Variants in UNC80 observed in about 807,000 individuals in gnomAD.
The protein encoded by UNC80 is unc-80 subunit of NALCN channel complex, also known as protein unc-80 homolog.
UNC80 carries 164 observed loss-of-function variants against 384.6 expected under a neutral mutation model. That is an observed-to-expected ratio of 0.43 (90% CI 0.38 to 0.49). UNC80 has a LOEUF of 0.49. UNC80 is among the 20% of genes least tolerant of loss of function. The pLI, the probability that UNC80 is intolerant of heterozygous loss-of-function variation, is 0.00. For missense variants in UNC80, 3,330 were observed against 4,143.0 expected (o/e 0.80, Z 5.39); for synonymous variants, 1,486 against 1,527.8 (o/e 0.97, Z 0.64).
intron 7 of UNC80, among the ~76,000 whole-genome samples, chr2:209,802,531 T>C (rs2078629450): frequency 1.3e-5 from 2 of 152,222 alleles, no homozygotes; most frequent in Non-Finnish European, 2.9e-5. Context: ...ACTTAGCTAA[T>C]GTACTAACAA....
chr2:209,847,006 C>A (rs1178311479), intron 21 of UNC80, among the ~76,000 whole-genome samples: 1 of 151,978 alleles, frequency 6.6e-6, no homozygotes, highest in Non-Finnish European at 1.5e-5. Flanking sequence ...AAAAGTCTGA[C>A]CTTCTTCCAT....
At chr2:209,842,541 T>G in intron 21 of UNC80, 95 bp downstream of exon 21, 4 of 911,830 alleles carry the variant, frequency 4.4e-6, no homozygotes, top group East Asian at 5.3e-5. Flanking sequence ...TTTTCATTGG[T>G]TTTTCATTCA....
intron 11 of UNC80, 53 bp from the exon 12 acceptor site, chr2:209,818,940 T>C (rs1302404703): frequency 9.9e-6 from 15 of 1,518,344 alleles, no homozygotes; most frequent in Non-Finnish European, 1.3e-5. Flanking sequence ...ACTGTCTAAC[T>C]GGTATTGTAG....
At chr2:209,912,494 A>G (rs2089062917) in intron 29 of UNC80, 66 bp from the exon 30 acceptor site, 7 of 975,930 alleles carry the variant, frequency 7.2e-6, no homozygotes, top group African/African-American at 1.7e-5. Context: ...AATTGCGGGG[A>G]CATATAGCAC....
At chr2:209,932,623 T>C (rs1279316602) in intron 38 of UNC80, among the ~76,000 whole-genome samples, 1 of 152,180 alleles carries the variant, frequency 6.6e-6, no homozygotes, top group African/African-American at 2.4e-5. Flanking sequence ...GCCCAGATAG[T>C]TTTAAAAGAA....
intron 6 of UNC80, 40 bp from the exon 7 acceptor site, chr2:209,793,680 C>CA: frequency 6.2e-7 from 1 of 1,604,224 alleles, no homozygotes; most frequent in African/African-American, 1.3e-5. Flanking sequence ...AAACAAAAAA[C>CA]AAAAAACAAA....
intron 7 of UNC80, among the ~76,000 whole-genome samples, chr2:209,798,965 C>T (rs548409549): frequency 1.5e-4 from 23 of 150,320 alleles, no homozygotes; most frequent in Admixed American, 9.9e-4. Flanking sequence ...ATTACAGGCG[C>T]GATCCACCGT....
At chr2:209,981,161 C>G (rs910084550) in intron 59 of UNC80, among the ~76,000 whole-genome samples, 1 of 152,184 alleles carries the variant, frequency 6.6e-6, no homozygotes, top group Non-Finnish European at 1.5e-5. Context: ...TTCTCCAAAA[C>G]TCAATATGTT....
chr2:209,790,771 A>C (rs2077745583), intron 6 of UNC80, among the ~76,000 whole-genome samples: 1 of 152,224 alleles, frequency 6.6e-6, no homozygotes, highest in Admixed American at 6.5e-5. Flanking sequence ...TACCTACACC[A>C]ATTTATTTCA....
chr2:209,966,858 G>T (rs1262733632), intron 51 of UNC80, among the ~76,000 whole-genome samples: 5 of 152,184 alleles, frequency 3.3e-5, no homozygotes, highest in Non-Finnish European at 4.4e-5. Flanking sequence ...AAGATAACAA[G>T]AGAGGAGGAG....
chr2:209,914,013 G>C (rs1048098656), intron 31 of UNC80, 73 bp downstream of exon 31: 24 of 1,457,048 alleles, frequency 1.6e-5, no homozygotes, highest in Non-Finnish European at 1.9e-5. Context: ...AAATAAGAGA[G>C]GTGTTTCCAT....
chr2:209,810,210 G>A (rs906066827), intron 7 of UNC80, among the ~76,000 whole-genome samples: 2 of 152,154 alleles, frequency 1.3e-5, no homozygotes, highest in Non-Finnish European at 2.9e-5. Context: ...GTAAGTAATG[G>A]TTGTCACTTG....
intron 22 of UNC80, among the ~76,000 whole-genome samples, chr2:209,860,454 A>T (rs2083268530): frequency 6.6e-6 from 1 of 151,972 alleles, no homozygotes; most frequent in African/African-American, 2.4e-5. Context: ...GAAGTCAGTC[A>T]GCATTGTAGT....
chr2:209,896,773 G>T (rs1482143280), intron 28 of UNC80, among the ~76,000 whole-genome samples: 1 of 152,084 alleles, frequency 6.6e-6, no homozygotes, highest in South Asian at 2.1e-4. Flanking sequence ...CACGGTCATG[G>T]TGTTGCTCTT....
intron 15 of UNC80, among the ~76,000 whole-genome samples, chr2:209,830,397 C>T (rs1244191462): frequency 2.0e-5 from 3 of 152,108 alleles, no homozygotes; most frequent in Non-Finnish European, 4.4e-5. Flanking sequence ...TTCTTGATTG[C>T]AAATGATTTT....
rs1395394667 is a variant in UNC80, at chr2:209,996,638, T to C, written c.*1043T>C. ...ATGTATAAAGTAAGCAATTTCTTCA[T>C]AGACACCTCCAGTTTATATATTTTG... On this transcript the variant is annotated 3_prime_UTR_variant, in exon 65 of 65. Transcript: ENST00000673920. The C allele has an allele frequency of 6.6e-6, 1 of 152,224 alleles. No homozygotes were observed. Among genetic ancestry groups the C allele is most frequent in the African/African-American group, 2.4e-5 (1 of 41,466 alleles). 9.4% of individuals were successfully genotyped at this position (152,224 alleles called of 1,614,324 possible). A position where few individuals can be genotyped will look rare whatever the true frequency, so the allele number is the denominator to read the frequency against.
chr2:209,922,472 TG>T (rs376703481), intron 35 of UNC80, 89 bp downstream of exon 35: 1 of 1,321,246 alleles, frequency 7.6e-7, no homozygotes, highest in African/African-American at 1.5e-5. Flanking sequence ...TTGATTACAT[TG>T]TCTTCATTAA....
rs148167363 is a variant in UNC80, at chr2:209,874,074, C to T, written c.3840+1104C>T. Among the ~76,000 whole-genome samples the T allele has an allele frequency of 2.7e-3, 408 of 152,020 alleles. 3 individuals carry two copies. Among genetic ancestry groups the T allele is most frequent in the East Asian group, 0.022 (115 of 5,164 alleles). On this transcript the variant is annotated intron_variant, in intron 23 of 64. Coordinates refer to ENST00000673920, the MANE Select transcript of UNC80 (RefSeq NM_001371986.1). ...ACTTAGCACTGCCCTTTTCAGGCTTCGATTGCACATTATATATGAGAAGAC... is the reference window on the plus strand; with the variant it reads ...ACTTAGCACTGCCCTTTTCAGGCTTTGATTGCACATTATATATGAGAAGAC...
At chr2:209,982,624 G>T in intron 60 of UNC80, 1 of 219,492 alleles carries the variant, frequency 4.6e-6, no homozygotes, top group South Asian at 9.2e-5. Flanking sequence ...CATTAGCTAA[G>T]CTAATGATGG....
Sources: gnomAD v4.1 joint callset for allele counts (sites outside exome capture counted in the v4.1 genomes callset) on GRCh38, gnomAD v4.1.1 for gene constraint, MANE v1.5 for transcripts, NCBI Gene and HGNC (gene_info 2026-07-23, HGNC 2026-07-21) for gene names.